The following CNKSR3 variants were observed in gnomAD, a reference collection of about 807,000 sequenced individuals.
CNKSR3 encodes the protein connector enhancer of kinase suppressor of ras 3.
CNKSR3 carries 36 observed loss-of-function variants against 67.7 expected under a neutral mutation model. The observed-to-expected ratio is 0.53, with a 90% CI of 0.41 to 0.70. The LOEUF (loss-of-function observed/expected upper bound fraction) is 0.70, where lower values mean the gene tolerates loss of function less well. Among genes scored for constraint, CNKSR3 ranks in the 30% least tolerant of loss-of-function variants. The pLI, the probability that CNKSR3 is intolerant of heterozygous loss-of-function variation, is 0.00. For missense variants in CNKSR3, 630 were observed against 695.2 expected, an observed-to-expected ratio of 0.91 and a Z score of 1.05; for synonymous variants, 281 against 271.4, an observed-to-expected ratio of 1.04 and a Z score of -0.35.
chr6:154,392,752 G>A lies in CNKSR3; in HGVS notation c.*13602C>T, dbSNP rs773919062. On this transcript the variant is annotated 3_prime_UTR_variant, in exon 13 of 13. Coordinates refer to ENST00000607772, the MANE Select transcript of CNKSR3 (RefSeq NM_173515.4). Reference sequence around the variant, plus strand: ...CCTCCCCTGACGGCAGCAGCAGAATGGGGTCTAAGCCTTGCATTTGATGAG... The same window carrying A: ...CCTCCCCTGACGGCAGCAGCAGAATAGGGTCTAAGCCTTGCATTTGATGAG... 2.0e-5 allele frequency: 3 copies of A among 152,258 alleles called. No individual in the cohort carries two copies. Among genetic ancestry groups the A allele is most frequent in the Admixed American group, 6.5e-5 (1 of 15,278 alleles). The allele number at this position is 152,258 out of a possible 1,614,324, so 9.4% of individuals were successfully genotyped here.
intron 1 of CNKSR3, among the ~76,000 whole-genome samples, chr6:154,491,826 G>A (rs996208205): frequency 6.6e-6 from 1 of 152,178 alleles, no homozygotes; most frequent in Non-Finnish European, 1.5e-5. Context: ...TTCAGGGAGG[G>A]CATAACATGT....
intron 1 of CNKSR3, among the ~76,000 whole-genome samples, chr6:154,493,917 G>A (rs1175411680): frequency 1.3e-5 from 2 of 152,100 alleles, no homozygotes; most frequent in Non-Finnish European, 2.9e-5. Flanking sequence ...AGCTCGAGAT[G>A]AGATTTGAGT....
At chr6:154,469,831 CT>C (rs1786284252) in intron 1 of CNKSR3, among the ~76,000 whole-genome samples, 1 of 152,166 alleles carries the variant, frequency 6.6e-6, no homozygotes, top group Non-Finnish European at 1.5e-5. Flanking sequence ...AGCTTAACTG[CT>C]AATAGCCTAC....
intron 9 of CNKSR3, among the ~76,000 whole-genome samples, chr6:154,420,557 C>T (rs1227794211): frequency 2.0e-5 from 3 of 150,316 alleles, no homozygotes; most frequent in Non-Finnish European, 4.5e-5. Context: ...GGCGTAGTGG[C>T]GGGTGCCTGT....
chr6:154,415,902 C>T (rs1275560575), intron 9 of CNKSR3, among the ~76,000 whole-genome samples: 1 of 152,102 alleles, frequency 6.6e-6, no homozygotes, highest in Non-Finnish European at 1.5e-5. Context: ...TGGTAAAGAA[C>T]AGCAAGGAAA....
rs2128708288 is a variant in CNKSR3, at chr6:154,393,853, T to C, written c.*12501A>G. The C allele has an allele frequency of 6.6e-6, 1 of 152,336 alleles. No individual in the cohort carries two copies. Among genetic ancestry groups the C allele is most frequent in the Middle Eastern group, 3.4e-3 (1 of 294 alleles). 9.4% of individuals were successfully genotyped at this position (152,336 alleles called of 1,614,324 possible). A position where few individuals can be genotyped will look rare whatever the true frequency, so the allele number is the denominator to read the frequency against. ...GCCATATACCAAGCCTTGCAAAACA[T>C]GGCAAAATAAATGTTTTGGGGAAAA... On this transcript the variant is annotated 3_prime_UTR_variant, in exon 13 of 13. Transcript: ENST00000607772.
rs1245381444 is a variant in CNKSR3 at position 154,387,723 on chromosome 6, GA to G, written c.*18630del. 3.9e-5 allele frequency: 6 copies of G among 152,114 alleles called. No individual in the cohort carries two copies. The highest frequency in any genetic ancestry group is 1.4e-4 in the African/African-American group (6 of 41,430). 9.4% of individuals were successfully genotyped at this position (152,114 alleles called of 1,614,324 possible). A position where few individuals can be genotyped will look rare whatever the true frequency, so the allele number is the denominator to read the frequency against. ...AAACATAAGAAACTGTCAAGCTTTG[GA>G]AATTAGAAACAAACATATTCAATGC... On this transcript the variant is annotated 3_prime_UTR_variant, in exon 13 of 13. Coordinates refer to ENST00000607772, the MANE Select transcript of CNKSR3 (RefSeq NM_173515.4).
chr6:154,452,389 T>C (rs1314707906), intron 1 of CNKSR3, among the ~76,000 whole-genome samples: 2 of 152,166 alleles, frequency 1.3e-5, no homozygotes, highest in Non-Finnish European at 2.9e-5. Context: ...TACAGAATCT[T>C]AGAGACACTT....
intron 1 of CNKSR3, among the ~76,000 whole-genome samples, chr6:154,502,159 C>A (rs1291899747): frequency 6.6e-6 from 1 of 151,850 alleles, no homozygotes; most frequent in Non-Finnish European, 1.5e-5. Flanking sequence ...CACACATATG[C>A]CATACGTTAT....
At chr6:154,495,558 A>G (rs1243105167) in intron 1 of CNKSR3, among the ~76,000 whole-genome samples, 2 of 141,692 alleles carry the variant, frequency 1.4e-5, no homozygotes, top group Non-Finnish European at 3.0e-5. Flanking sequence ...TTTTTTTTGT[A>G]GAGACAGGCT....
At chr6:154,456,566 G>A (rs865848442) in intron 1 of CNKSR3, among the ~76,000 whole-genome samples, 2 of 151,292 alleles carry the variant, frequency 1.3e-5, no homozygotes, top group Non-Finnish European at 2.9e-5. Context: ...AAATAGCTGG[G>A]CTTGGTGGTG....
chr6:154,465,869 A>G (rs1786187374), intron 1 of CNKSR3, among the ~76,000 whole-genome samples: 1 of 152,178 alleles, frequency 6.6e-6, no homozygotes, highest in Admixed American at 6.5e-5. Context: ...ATAACACTCA[A>G]AAATACAGGT....
At chr6:154,476,522 G>A (rs1372723406) in intron 1 of CNKSR3, among the ~76,000 whole-genome samples, 4 of 150,476 alleles carry the variant, frequency 2.7e-5, no homozygotes, top group African/African-American at 9.8e-5. Context: ...TTAGAAAGCA[G>A]AAAAGTTCTT....
At chr6:154,471,599 G>A (rs973115955) in intron 1 of CNKSR3, among the ~76,000 whole-genome samples, 2 of 152,136 alleles carry the variant, frequency 1.3e-5, no homozygotes, top group Non-Finnish European at 2.9e-5. Context: ...AGATGGAACT[G>A]TCTCCCAGGG....
At chr6:154,418,720 C>T (rs1307741606) in intron 9 of CNKSR3, among the ~76,000 whole-genome samples, 1 of 152,168 alleles carries the variant, frequency 6.6e-6, no homozygotes, top group Non-Finnish European at 1.5e-5. Flanking sequence ...CCAACAGAAA[C>T]AGCTGGAGTA....
intron 1 of CNKSR3, among the ~76,000 whole-genome samples, chr6:154,499,710 T>G (rs1016296956): frequency 6.6e-6 from 1 of 152,166 alleles, no homozygotes; most frequent in Non-Finnish European, 1.5e-5. Flanking sequence ...GCTCAAGCCA[T>G]CCTCCTGTCT....
intron 1 of CNKSR3, among the ~76,000 whole-genome samples, chr6:154,484,346 C>T (rs1402665769): frequency 3.9e-5 from 6 of 152,150 alleles, no homozygotes; most frequent in African/African-American, 1.4e-4. Flanking sequence ...AGGCTGTCAT[C>T]CAGTTCACCA....
intron 10 of CNKSR3, among the ~76,000 whole-genome samples, chr6:154,412,789 T>C (rs1393383704): frequency 6.6e-6 from 1 of 152,278 alleles, no homozygotes; most frequent in Admixed American, 6.5e-5. Context: ...AAGTAAAATG[T>C]CACTGTAATA....
intron 2 of CNKSR3, among the ~76,000 whole-genome samples, chr6:154,444,901 G>A (rs540430564): frequency 3.3e-5 from 5 of 152,210 alleles, no homozygotes; most frequent in East Asian, 3.9e-4. Context: ...CACTGCACCC[G>A]GCTGTGGAGA....
Sources: allele counts gnomAD v4.1 joint callset (sites outside exome capture counted in the v4.1 genomes callset), GRCh38; gene constraint gnomAD v4.1.1; transcripts MANE v1.5; gene names NCBI Gene and HGNC (gene_info 2026-07-23, HGNC 2026-07-21).